Variants in DYNC2H1 observed in about 807,000 individuals in gnomAD.
The protein encoded by DYNC2H1 is dynein cytoplasmic 2 heavy chain 1.
DYNC2H1 carries 410 observed loss-of-function variants against 570.0 expected under a neutral mutation model. That is an observed-to-expected ratio of 0.72 (90% CI 0.66 to 0.78). The LOEUF is 0.78. Among genes scored for constraint, DYNC2H1 ranks in the 30% least tolerant of loss-of-function variants. The pLI is 0.00. For synonymous variants in DYNC2H1, 1,688 were observed against 1,677.6 expected, an observed-to-expected ratio of 1.01 and a Z score of -0.15; for missense variants, 4,865 against 5,046.4, an observed-to-expected ratio of 0.96 and a Z score of 1.09.
In DYNC2H1 at chr11:103,446,912, A is replaced by C. The variant is rs1459498361; in HGVS notation, c.12457-8274A>C. Among the ~76,000 whole-genome samples, 1 of 152,142 alleles carries C rather than the reference A, an allele frequency of 6.6e-6. No individual in the cohort carries two copies. The highest frequency in any genetic ancestry group is 1.5e-5 in the Non-Finnish European group (1 of 68,008). Reference sequence around the variant, plus strand: ...TAAGAGGAGACCTATAAGTAGGTGGACATTATAAATTCCTGTTTTGCCACA... The same window carrying C: ...TAAGAGGAGACCTATAAGTAGGTGGCCATTATAAATTCCTGTTTTGCCACA... On this transcript the variant is annotated intron_variant, in intron 85 of 88. Coordinates refer to ENST00000375735, the MANE Select transcript of DYNC2H1 (RefSeq NM_001377.3). This position sits in a 1 kb window ranked among gnomAD's most constrained non-coding sequence, Gnocchi z 4.5.
chr11:103,400,779 A>G (rs967504677), intron 84 of DYNC2H1, among the ~76,000 whole-genome samples: 1 of 152,070 alleles, frequency 6.6e-6, no homozygotes, highest in Non-Finnish European at 1.5e-5. Flanking sequence ...TCCTACATTC[A>G]CATATACTAG....
chr11:103,293,096 A>G (rs779017752), intron 75 of DYNC2H1, among the ~76,000 whole-genome samples: 3 of 152,108 alleles, frequency 2.0e-5, no homozygotes, highest in Non-Finnish European at 4.4e-5. Flanking sequence ...AATTCCCTTT[A>G]TAGTTCTGGT....
At chr11:103,266,003 A>G (rs1376645677) in intron 70 of DYNC2H1, among the ~76,000 whole-genome samples, 1 of 135,998 alleles carries the variant, frequency 7.4e-6, no homozygotes, top group African/African-American at 2.7e-5. Flanking sequence ...ATTGGGCCCC[A>G]ACTTTGATCT....
rs1378752133 is a variant in DYNC2H1, at chr11:103,434,266, T to C, written c.12367-1677T>C. Among the ~76,000 whole-genome samples the C allele has an allele frequency of 2.6e-5, 4 of 152,220 alleles. No homozygotes were observed. The East Asian group carries it at 7.7e-4, about 29-fold the overall frequency. On this transcript the variant is annotated intron_variant, in intron 84 of 88. Transcript: ENST00000375735. ...AACTGGGAGTTTGCTATGAATCTCA[T>C]TGAGATTCACTCCATTAGACAAAAA... is the stretch of plus-strand genomic sequence containing the variant.
chr11:103,139,594 T>A (rs1003125497), intron 17 of DYNC2H1, among the ~76,000 whole-genome samples: 7 of 151,944 alleles, frequency 4.6e-5, no homozygotes, highest in African/African-American at 1.7e-4. Context: ...TTGTTATAAT[T>A]TCTGTTCTTT....
At position 103,181,857 on chromosome 11, in the gene DYNC2H1, GA is replaced by G; in HGVS notation, c.6452del (p.Lys2151ArgfsTer7). 2 of 1,604,638 alleles carry G rather than the reference GA, an allele frequency of 1.2e-6. No individual in the cohort carries two copies. The highest frequency in any genetic ancestry group is 2.3e-5 in the East Asian group (1 of 44,442). On this transcript the variant is annotated frameshift_variant, in exon 40 of 89. Coordinates refer to ENST00000375735, the MANE Select transcript of DYNC2H1 (RefSeq NM_001377.3). LOFTEE classifies it high-confidence loss of function. This position sits in a 1 kb window ranked among gnomAD's most constrained non-coding sequence, Gnocchi z 5.0. ...TGAAAATTGGATTGGAGATTATTTTGAAAAGGCTTTACAATGGGTTCTAAAG... is the reference window on the plus strand; with the variant it reads ...TGAAAATTGGATTGGAGATTATTTTGAAAGGCTTTACAATGGGTTCTAAAG... ...NLENWIGDYF[E>X]KALQWVLKQN... is the part of the protein sequence containing the mutation.
intron 75 of DYNC2H1, among the ~76,000 whole-genome samples, chr11:103,292,158 C>CT (rs35444782): frequency 0.33 from 48,047 of 145,292 alleles, 8,098 homozygotes; most frequent in Non-Finnish European, 0.37. Flanking sequence ...TTCTTCTTCT[C>CT]TTTTTTTTTT....
chr11:103,469,264 T>A (rs1945293631), intron 88 of DYNC2H1, among the ~76,000 whole-genome samples: 1 of 152,196 alleles, frequency 6.6e-6, no homozygotes, highest in Non-Finnish European at 1.5e-5. Flanking sequence ...TTAGTTAACT[T>A]TTTTCCTTTC....
chr11:103,196,950 G>T (rs898758688), intron 47 of DYNC2H1, among the ~76,000 whole-genome samples: 1 of 152,040 alleles, frequency 6.6e-6, no homozygotes, highest in Non-Finnish European at 1.5e-5. Context: ...TGTTTTTTTA[G>T]GGGAGTTTGG....
rs376741095 is a variant in DYNC2H1 at position 103,170,121 on chromosome 11, A to G, written c.4982A>G (p.Lys1661Arg). ...YTYEYQGNASKLVYTPLTDKC... is the reference protein window; with the variant it reads ...YTYEYQGNASRLVYTPLTDKC... ...GTTCTTGTATAGGGTAATGCTTCCAAACTGGTTTATACTCCACTGACAGAC... is the reference window on the plus strand; with the variant it reads ...GTTCTTGTATAGGGTAATGCTTCCAGACTGGTTTATACTCCACTGACAGAC... The change falls in exon 33 of 89, where the codon AAA becomes AGA. Residue 1661 changes from lysine (K) to arginine (R), a missense_variant. Lys to Arg is a conservative substitution (Grantham distance 26). This residue lies in a region of DYNC2H1 where 1,936 missense variants were observed against 1,962.1 expected (regional missense o/e 0.99). Transcript: ENST00000375735. This position sits in a 1 kb window ranked among gnomAD's most constrained non-coding sequence, Gnocchi z 4.8. 3 of 1,611,316 alleles carry G rather than the reference A, an allele frequency of 1.9e-6. No homozygotes were observed. Among genetic ancestry groups the G allele is most frequent in the Admixed American group, 1.7e-5 (1 of 59,688 alleles).
At chr11:103,155,573 T>C in intron 25 of DYNC2H1, 72 bp downstream of exon 25, 1 of 1,431,148 alleles carries the variant, frequency 7.0e-7, no homozygotes, top group East Asian at 2.6e-5. Context: ...CATATTTTGT[T>C]TAAATACAAA....
In DYNC2H1 at chr11:103,285,211, T is replaced by C. The variant is rs116550303; in HGVS notation, c.10891-1044T>C. On this transcript the variant is annotated intron_variant, in intron 73 of 88. Coordinates refer to ENST00000375735, the MANE Select transcript of DYNC2H1 (RefSeq NM_001377.3). ...ATGTCAGTATAGTACTGGGCTCAAT[T>C]CTGAATATAGCATGGACAAGTGGGA... 9.2e-3 allele frequency among the ~76,000 whole-genome samples: 1,400 copies of C among 152,236 alleles called. 28 individuals carry two copies. Among genetic ancestry groups the C allele is most frequent in the African/African-American group, 0.032 (1,309 of 41,548 alleles).
At chr11:103,297,588 C>G (rs1291136789) in intron 75 of DYNC2H1, among the ~76,000 whole-genome samples, 2 of 151,996 alleles carry the variant, frequency 1.3e-5, no homozygotes, top group African/African-American at 4.8e-5. Flanking sequence ...GCAATTGTAA[C>G]ACAGTGGTAG....
intron 9 of DYNC2H1, 46 bp from the exon 10 acceptor site, chr11:103,121,326 T>A (rs1417066802): frequency 1.2e-5 from 18 of 1,536,312 alleles, no homozygotes; most frequent in Non-Finnish European, 1.5e-5. Context: ...ATTTAGGAAA[T>A]CTTTGCTAAT....
rs551085899 is a variant in DYNC2H1, at chr11:103,264,342, C to A, written c.10695+4365C>A. On this transcript the variant is annotated intron_variant, in intron 70 of 88. Coordinates refer to ENST00000375735, the MANE Select transcript of DYNC2H1 (RefSeq NM_001377.3). This position sits in a 1 kb window ranked among gnomAD's most constrained non-coding sequence, Gnocchi z 4.8. ...GCAATAGAAAAAGAGGGACCCCTACCTAACTCATTTTATGAGACCAGGATC... is the reference window on the plus strand; with the variant it reads ...GCAATAGAAAAAGAGGGACCCCTACATAACTCATTTTATGAGACCAGGATC... 9.9e-5 allele frequency among the ~76,000 whole-genome samples: 15 copies of A among 152,122 alleles called. No homozygotes were observed. The highest frequency in any genetic ancestry group is 1.6e-4 in the Non-Finnish European group (11 of 68,034).
At chr11:103,135,364 T>C (rs1859482961) in intron 15 of DYNC2H1, 131 bp from the exon 16 acceptor site, 1 of 785,834 alleles carries the variant, frequency 1.3e-6, no homozygotes, top group African/African-American at 1.8e-5. Context: ...ATGTACCAGT[T>C]TTACATATTT....
chr11:103,459,780 G>A (rs548954671), intron 87 of DYNC2H1, among the ~76,000 whole-genome samples: 10 of 150,700 alleles, frequency 6.6e-5, no homozygotes, highest in South Asian at 6.3e-4. Flanking sequence ...GTGAAACCCC[G>A]TCTCTACTAA....
In DYNC2H1 at chr11:103,156,417, T is replaced by C. The variant is rs1448860246; in HGVS notation, c.3774T>C (p.Val1258=). 1.2e-6 allele frequency: 2 copies of C among 1,613,622 alleles called. No homozygotes were observed. The highest frequency in any genetic ancestry group is 1.7e-6 in the Non-Finnish European group (2 of 1,179,694). ...KDLNSRAQGE[V]TIREALRELD... ...TAAATAGTCGGGCACAAGGTGAAGTTACAATCAGAGAAGCTTTACGTGAAC... is the reference window on the plus strand; with the variant it reads ...TAAATAGTCGGGCACAAGGTGAAGTCACAATCAGAGAAGCTTTACGTGAAC... Residue 1258 remains valine, a synonymous_variant, in exon 26 of 89, where the codon GTT becomes GTC. Transcript: ENST00000375735.
Position 103,135,428 on chromosome 11 carries a change from A to G in DYNC2H1, c.2206-67A>G, listed in dbSNP as rs1003261204. On this transcript the variant is annotated intron_variant, in intron 15 of 88. Coordinates refer to ENST00000375735, the MANE Select transcript of DYNC2H1 (RefSeq NM_001377.3). ...ATAATTGTGCATTATGTGACATGAA[A>G]GTATTAAATGAAAAATCCATTCTAC... is the stretch of plus-strand genomic sequence containing the variant. The G allele has an allele frequency of 2.5e-5, 34 of 1,334,296 alleles. No homozygotes were observed. In the African/African-American group the frequency reaches 5.1e-4, roughly 20 times the overall value. The allele number at this position is 1,334,296 out of a possible 1,614,324, so 82.7% of individuals were successfully genotyped here.
Sources: allele counts gnomAD v4.1 joint callset (sites outside exome capture counted in the v4.1 genomes callset), GRCh38; gene constraint gnomAD v4.1.1; regional missense constraint gnomAD v4.1.1; non-coding constraint Gnocchi (gnomAD v3.1); transcripts MANE v1.5; gene names NCBI Gene and HGNC (gene_info 2026-07-23, HGNC 2026-07-21).